The following RBFOX1 variants were observed in gnomAD, a reference collection of about 807,000 sequenced individuals.
RBFOX1 encodes RNA binding protein fox-1 homolog 1.
RBFOX1 carries 8 observed loss-of-function variants against 57.7 expected under a neutral mutation model. The ratio of observed to expected loss-of-function variants is 0.14; its 90% CI spans 0.08 to 0.25. The LOEUF is 0.25. Among genes scored for constraint, RBFOX1 ranks in the 10% least tolerant of loss-of-function variants. The probability of loss-of-function intolerance (pLI) is 1.00; values close to 1 mark genes in which losing one functional copy is unlikely to be tolerated. For synonymous variants in RBFOX1, 326 were observed against 222.4 expected (o/e 1.47, Z -4.15); for missense variants, 611 against 548.5 (o/e 1.11, Z -1.14).
chr16:6,687,024 C>T (rs767332244), intron 3 of RBFOX1, among the ~76,000 whole-genome samples: 1 of 152,146 alleles, frequency 6.6e-6, no homozygotes, highest in East Asian at 1.9e-4. Flanking sequence ...CATGGTTAAA[C>T]TCATTTCAGA....
At chr16:6,669,485 T>C (rs926062128) in intron 3 of RBFOX1, among the ~76,000 whole-genome samples, 1 of 152,198 alleles carries the variant, frequency 6.6e-6, no homozygotes, top group African/African-American at 2.4e-5. Flanking sequence ...TTTGTTTTTT[T>C]CCAGAGTGAT....
chr16:5,888,215 A>G (rs1337741869), intron 4 of RBFOX1, among the ~76,000 whole-genome samples: 1 of 152,032 alleles, frequency 6.6e-6, no homozygotes, highest in East Asian at 1.9e-4. Flanking sequence ...CTCTGCCGGG[A>G]ATGGTCCCTA....
At chr16:7,084,770 A>G (rs1242710775) in intron 4 of RBFOX1, among the ~76,000 whole-genome samples, 1 of 152,224 alleles carries the variant, frequency 6.6e-6, no homozygotes, top group African/African-American at 2.4e-5. Flanking sequence ...TGAATGTAAA[A>G]TGTACACACA....
At chr16:7,058,005 G>GAAAAAAAAA (rs145498650) in intron 4 of RBFOX1, among the ~76,000 whole-genome samples, 1 of 121,616 alleles carries the variant, frequency 8.2e-6, no homozygotes, top group African/African-American at 3.2e-5. Context: ...GAGACTGTGG[G>GAAAAAAAAA]GAAAAAAAAA....
intron 4 of RBFOX1, among the ~76,000 whole-genome samples, chr16:7,441,080 A>T (rs1278777458): frequency 7.2e-5 from 11 of 152,092 alleles, no homozygotes; most frequent in Non-Finnish European, 4.4e-5. Context: ...TATTTTCCTA[A>T]GATATCCTCT....
At chr16:5,554,316 C>G (rs1314327835) in intron 2 of RBFOX1, among the ~76,000 whole-genome samples, 2 of 151,816 alleles carry the variant, frequency 1.3e-5, no homozygotes, top group East Asian at 3.9e-4. Flanking sequence ...AAGCATAAAA[C>G]CTAAAATAAT....
At chr16:6,783,979 A>G (rs987986282) in intron 3 of RBFOX1, among the ~76,000 whole-genome samples, 1 of 152,138 alleles carries the variant, frequency 6.6e-6, no homozygotes, top group Admixed American at 6.5e-5. Flanking sequence ...CTCATGGCCT[A>G]TAAGGTTTCT....
At chr16:6,905,675 G>C (rs906728994) in intron 3 of RBFOX1, among the ~76,000 whole-genome samples, 1 of 152,056 alleles carries the variant, frequency 6.6e-6, no homozygotes. Context: ...ACCACCAAAA[G>C]GGGAAAAAAA....
chr16:6,661,251 C>T (rs771362728), intron 3 of RBFOX1, among the ~76,000 whole-genome samples: 10 of 152,176 alleles, frequency 6.6e-5, no homozygotes, highest in Admixed American at 1.3e-4. Context: ...TGAAAGCTAA[C>T]TCTCAGTGGG....
intron 4 of RBFOX1, among the ~76,000 whole-genome samples, chr16:7,447,770 A>G (rs1567214481): frequency 6.6e-6 from 1 of 152,244 alleles, no homozygotes. Flanking sequence ...TGAGAGCTAA[A>G]TGCATTTGTT....
intron 3 of RBFOX1, among the ~76,000 whole-genome samples, chr16:6,941,240 C>CCCGTCCCATTCCCT (rs2078401613): frequency 8.6e-6 from 1 of 116,570 alleles, no homozygotes; most frequent in African/African-American, 2.8e-5. Flanking sequence ...CTCCCTCCAT[C>CCCGTCCCATTCCCT]CCCTCCCATT....
chr16:6,779,267 A>G (rs906602330), intron 3 of RBFOX1, among the ~76,000 whole-genome samples: 1 of 151,896 alleles, frequency 6.6e-6, no homozygotes, highest in African/African-American at 2.4e-5. Flanking sequence ...CACATGCAAT[A>G]TTTGTCTTTC....
chr16:7,203,043 C>A (rs112923733), intron 4 of RBFOX1, among the ~76,000 whole-genome samples: 1 of 152,166 alleles, frequency 6.6e-6, no homozygotes, highest in South Asian at 2.1e-4. Context: ...GCCTCGGCCT[C>A]CCAAAGTGCT....
Position 6,847,115 on chromosome 16 carries a change from T to A in RBFOX1, c.-16+192465T>A, listed in dbSNP as rs146808288. ...AACTTTATCTTGCCTCAGTCAACCC[T>A]GCTCAGAGATGGTTCATCCACTCCT... On this transcript the variant is annotated intron_variant, in intron 3 of 15. Coordinates refer to ENST00000550418, the MANE Select transcript of RBFOX1 (RefSeq NM_018723.4). 3.3e-5 allele frequency among the ~76,000 whole-genome samples: 5 copies of A among 152,314 alleles called. No homozygotes were observed. The East Asian group carries it at 9.6e-4, about 29-fold the overall frequency.
rs147192138 is a variant in RBFOX1 at position 6,904,211 on chromosome 16, C to G, written c.-15-147846C>G. On this transcript the variant is annotated intron_variant, in intron 3 of 15. Coordinates refer to ENST00000550418, the MANE Select transcript of RBFOX1 (RefSeq NM_018723.4). The stretch of plus-strand genomic sequence containing the variant: ...ACACCATCTTAACACATTGCATGCA[C>G]TTTTGATGCACATGTGTGTTCTAAA... Among the ~76,000 whole-genome samples, 13 of 152,302 alleles carry G rather than the reference C, an allele frequency of 8.5e-5. No individual in the cohort carries two copies. In the East Asian group the frequency reaches 1.7e-3, roughly 20 times the overall value.
chr16:6,588,933 G>A (rs2097670550), intron 2 of RBFOX1, among the ~76,000 whole-genome samples: 1 of 152,056 alleles, frequency 6.6e-6, no homozygotes, highest in African/African-American at 2.4e-5. Flanking sequence ...ATTTCCCCAG[G>A]ATACACTAGT....
At chr16:6,314,527 A>AAGGGC (rs2080830422) in intron 1 of RBFOX1, among the ~76,000 whole-genome samples, 1 of 152,152 alleles carries the variant, frequency 6.6e-6, no homozygotes, top group Admixed American at 6.6e-5. Context: ...GGGCCAGGTG[A>AAGGGC]AGGGCAGTTT....
chr16:6,568,099 G>T (rs1307749015), intron 2 of RBFOX1, among the ~76,000 whole-genome samples: 1 of 152,164 alleles, frequency 6.6e-6, no homozygotes, highest in Non-Finnish European at 1.5e-5. Flanking sequence ...AGCTTTACGG[G>T]TAATGACATG....
chr16:6,451,637 C>G (rs2094626177), intron 2 of RBFOX1, among the ~76,000 whole-genome samples: 1 of 152,210 alleles, frequency 6.6e-6, no homozygotes, highest in Non-Finnish European at 1.5e-5. Flanking sequence ...TCTTTCGAGA[C>G]TCAGCTCTGG....
Sources: allele counts gnomAD v4.1 joint callset (sites outside exome capture counted in the v4.1 genomes callset), GRCh38; gene constraint gnomAD v4.1.1; transcripts MANE v1.5; gene names NCBI Gene and HGNC (gene_info 2026-07-23, HGNC 2026-07-21).